The following GRIK4 variants were observed in gnomAD, a reference collection of about 807,000 sequenced individuals.
The protein encoded by GRIK4 is glutamate receptor ionotropic, kainate 4.
A neutral mutation model predicts 104.9 loss-of-function variants in GRIK4; 40 were observed. The observed-to-expected ratio is 0.38, with a 90% CI of 0.30 to 0.50. The LOEUF (loss-of-function observed/expected upper bound fraction) is 0.50. Ranked by LOEUF, GRIK4 falls within the 20% of genes least tolerant of loss-of-function variation. The pLI, the probability that GRIK4 is intolerant of heterozygous loss-of-function variation, is 0.93. For missense variants in GRIK4, 1,047 were observed against 1,308.1 expected (o/e 0.80, Z 3.08); for synonymous variants, 485 against 524.9 (o/e 0.92, Z 1.04).
intron 3 of GRIK4, among the ~76,000 whole-genome samples, chr11:120,762,866 C>T (rs981509716): frequency 6.6e-6 from 1 of 152,108 alleles, no homozygotes; most frequent in African/African-American, 2.4e-5. Context: ...ATTTTTGAAT[C>T]GATGTTCATC....
chr11:120,662,460 C>T (rs773381015), intron 3 of GRIK4, among the ~76,000 whole-genome samples: 1 of 152,170 alleles, frequency 6.6e-6, no homozygotes, highest in Non-Finnish European at 1.5e-5. Context: ...AGCCTGAGTG[C>T]CAGGAGCTTT....
At chr11:120,910,977 G>A (rs540327712) in intron 13 of GRIK4, among the ~76,000 whole-genome samples, 1 of 152,308 alleles carries the variant, frequency 6.6e-6, no homozygotes, top group East Asian at 1.9e-4. Context: ...AAGTCATGGG[G>A]CCATGAAGGT....
intron 1 of GRIK4, among the ~76,000 whole-genome samples, chr11:120,522,719 C>T (rs951649181): frequency 2.6e-5 from 4 of 152,190 alleles, no homozygotes; most frequent in African/African-American, 9.7e-5. Context: ...CTTTCAGTCT[C>T]CTTCTACCTC....
intron 1 of GRIK4, among the ~76,000 whole-genome samples, chr11:120,589,860 C>T (rs1948714065): frequency 1.3e-5 from 2 of 152,182 alleles, no homozygotes; most frequent in African/African-American, 2.4e-5. Context: ...CTGGCATTTT[C>T]ACACTTCTTT....
intron 6 of GRIK4, 100 bp downstream of exon 6, chr11:120,820,020 G>A: frequency 1.8e-6 from 2 of 1,117,476 alleles, no homozygotes; most frequent in Non-Finnish European, 2.6e-6. Context: ...GGAAGGGGAG[G>A]CTTCCTTCAG....
rs1943599958 is a variant in GRIK4 at position 120,936,417 on chromosome 11, G to A, written c.1477-3930G>A. Reference sequence around the variant, plus strand: ...TAACTTTTTTTCTGTCTCCCCTTTAGGAGAGATACGGGTTTCATTTCTCTT... The same window carrying A: ...TAACTTTTTTTCTGTCTCCCCTTTAAGAGAGATACGGGTTTCATTTCTCTT... On this transcript the variant is annotated intron_variant, in intron 13 of 20. Coordinates refer to ENST00000527524, the MANE Select transcript of GRIK4 (RefSeq NM_014619.5). The A allele has an allele frequency of 1.1e-5, 3 of 285,340 alleles. No individual in the cohort carries two copies. In the Admixed American group the frequency reaches 1.2e-4, roughly 12 times the overall value. 17.7% of individuals were successfully genotyped at this position (285,340 alleles called of 1,614,324 possible). A position where few individuals can be genotyped will look rare whatever the true frequency, so the allele number is the denominator to read the frequency against.
Position 120,661,257 on chromosome 11 carries a change from T to C in GRIK4, c.82+857T>C, listed in dbSNP as rs74401650. Among the ~76,000 whole-genome samples the C allele has an allele frequency of 3.0e-3, 458 of 152,142 alleles. 2 individuals carry two copies. The highest frequency in any genetic ancestry group is 9.3e-3 in the African/African-American group (387 of 41,518). On this transcript the variant is annotated intron_variant, in intron 3 of 20. Transcript: ENST00000527524. ...CTATGTGTACATCGGGGGATGGGGA[T>C]TAGTGTGGACAGGTGGGTGGGGCAC... is the stretch of plus-strand genomic sequence containing the variant.
chr11:120,590,576 G>A (rs962572372), intron 1 of GRIK4, among the ~76,000 whole-genome samples: 2 of 152,268 alleles, frequency 1.3e-5, no homozygotes, highest in East Asian at 1.9e-4. Flanking sequence ...ATTGGCACTC[G>A]CTTCAATTGT....
chr11:120,857,840 T>G (rs1954153549), intron 8 of GRIK4, among the ~76,000 whole-genome samples: 1 of 152,192 alleles, frequency 6.6e-6, no homozygotes, highest in Non-Finnish European at 1.5e-5. Context: ...ATATCTTTGC[T>G]TCCTGGAAAC....
In GRIK4 at chr11:120,654,292, G is replaced by C. The variant is rs374773180; in HGVS notation, c.-51+500G>C. ...TTTCTGAGCCTCAGCTTCCTCATTT[G>C]TGAAATGGAGATGCAATGCCATCTT... On this transcript the variant is annotated intron_variant, in intron 2 of 20. Coordinates refer to ENST00000527524, the MANE Select transcript of GRIK4 (RefSeq NM_014619.5). Among the ~76,000 whole-genome samples, 15 of 152,342 alleles carry C rather than the reference G, an allele frequency of 9.8e-5. No individual in the cohort carries two copies. In the South Asian group the frequency reaches 2.7e-3, roughly 27 times the overall value.
intron 1 of GRIK4, among the ~76,000 whole-genome samples, chr11:120,619,337 A>G (rs927090372): frequency 1.4e-4 from 22 of 152,152 alleles, no homozygotes; most frequent in African/African-American, 5.1e-4. Flanking sequence ...GGAAGTAACT[A>G]ACTTGTTTTT....
At chr11:120,558,326 G>A (rs144018061) in intron 1 of GRIK4, among the ~76,000 whole-genome samples, 1,646 of 152,266 alleles carry the variant, frequency 0.011, 17 homozygotes, top group South Asian at 0.026. Context: ...GGTGGCTCAC[G>A]CCTGTAATCC....
At chr11:120,889,768 T>C (rs1302523411) in intron 11 of GRIK4, among the ~76,000 whole-genome samples, 1 of 151,916 alleles carries the variant, frequency 6.6e-6, no homozygotes, top group Non-Finnish European at 1.5e-5. Flanking sequence ...CTACTCCTGA[T>C]TAATTTTCTG....
At position 120,785,171 on chromosome 11, in the gene GRIK4, C is replaced by G. The variant is rs190289771; in HGVS notation, c.83-17522C>G. 7.2e-5 allele frequency among the ~76,000 whole-genome samples: 11 copies of G among 152,268 alleles called. No homozygotes were observed. The East Asian group carries it at 2.1e-3, about 29-fold the overall frequency. The stretch of plus-strand genomic sequence containing the variant: ...AATGGGCAACTCCAGCCCACTGTTC[C>G]TTTCCTCCAGCCTGGCTGTTTGTGC... On this transcript the variant is annotated intron_variant, in intron 3 of 20. Coordinates refer to ENST00000527524, the MANE Select transcript of GRIK4 (RefSeq NM_014619.5).
In GRIK4 at chr11:120,862,167, A is replaced by G. The variant is rs373897729; in HGVS notation, c.906+47A>G. ...TCCTGGTGCCCCTTGGCCTCTGCAC[A>G]TTGCCCCTCTGTGGGCCAACCCCTG... On this transcript the variant is annotated intron_variant, in intron 9 of 20. Coordinates refer to ENST00000527524, the MANE Select transcript of GRIK4 (RefSeq NM_014619.5). 156 of 1,557,272 alleles carry G rather than the reference A, an allele frequency of 1.0e-4. 1 individual carries two copies. The highest frequency in any genetic ancestry group is 8.9e-4 in the South Asian group (76 of 85,724).
chr11:120,715,121 G>T (rs921726344), intron 3 of GRIK4, among the ~76,000 whole-genome samples: 2 of 152,180 alleles, frequency 1.3e-5, no homozygotes, highest in African/African-American at 4.8e-5. Flanking sequence ...GCTGGAAATA[G>T]GAATTCACTG....
chr11:120,874,970 C>T (rs1229527971), intron 10 of GRIK4, among the ~76,000 whole-genome samples, 169 bp from the exon 11 acceptor site: 1 of 152,186 alleles, frequency 6.6e-6, no homozygotes, highest in African/African-American at 2.4e-5. Context: ...TCTCCACAGA[C>T]ATCACATTTG....
intron 3 of GRIK4, among the ~76,000 whole-genome samples, chr11:120,736,449 A>ACTG (rs72354827): frequency 0.089 from 13,536 of 151,558 alleles, 855 homozygotes; most frequent in Middle Eastern, 0.15. Context: ...TACCTAGGTC[A>ACTG]CTCCAGTCCA....
chr11:120,736,098 C>G (rs1280531434), intron 3 of GRIK4, among the ~76,000 whole-genome samples: 1 of 152,120 alleles, frequency 6.6e-6, no homozygotes, highest in African/African-American at 2.4e-5. Context: ...TCTGTATTCC[C>G]TGGGTATCAC....
Sources: allele counts gnomAD v4.1 joint callset (sites outside exome capture counted in the v4.1 genomes callset), GRCh38; gene constraint gnomAD v4.1.1; transcripts MANE v1.5; gene names NCBI Gene and HGNC (gene_info 2026-07-23, HGNC 2026-07-21).